GABPB1: variants seen among roughly 807,000 people sequenced by gnomAD.
GABPB1 encodes GA binding protein transcription factor subunit beta 1.
Under a neutral mutation model 45.9 loss-of-function variants are expected in GABPB1, and 15 were observed. That is an observed-to-expected ratio of 0.33 (90% CI 0.22 to 0.50). The LOEUF is 0.50. Ranked by LOEUF, GABPB1 falls within the 20% of genes least tolerant of loss-of-function variation. The pLI, the probability that GABPB1 is intolerant of heterozygous loss-of-function variation, is 0.98. For synonymous variants in GABPB1, 143 were observed against 154.4 expected, an observed-to-expected ratio of 0.93 and a Z score of 0.55; for missense variants, 252 against 457.5, an observed-to-expected ratio of 0.55 and a Z score of 4.10.
At chr15:50,292,235 A>AGCT (rs2046371479) in intron 6 of GABPB1, among the ~76,000 whole-genome samples, 1 of 145,518 alleles carries the variant, frequency 6.9e-6, no homozygotes, top group Admixed American at 7.1e-5. Flanking sequence ...AACGGTGTGA[A>AGCT]CCCGGGAGGC....
chr15:50,305,620 T>C (rs896551438), intron 2 of GABPB1, among the ~76,000 whole-genome samples: 5 of 152,208 alleles, frequency 3.3e-5, no homozygotes, highest in African/African-American at 1.2e-4. Context: ...AACTAGCCTT[T>C]TCTATACTCT....
intron 1 of GABPB1, among the ~76,000 whole-genome samples, chr15:50,343,209 T>C (rs2048445390): frequency 1.3e-5 from 2 of 152,016 alleles, no homozygotes; most frequent in Admixed American, 6.6e-5. Context: ...GGACTTAACA[T>C]TTGAAGCATA....
rs2046284770 is a variant in GABPB1 at position 50,289,700 on chromosome 15, A to C, written c.698-32T>G. The C allele has an allele frequency of 3.9e-6, 6 of 1,541,088 alleles. No individual in the cohort carries two copies. The African/African-American group carries it at 8.4e-5, about 22-fold the overall frequency. On this transcript the variant is annotated intron_variant, in intron 6 of 8. Coordinates refer to ENST00000380877, the MANE Select transcript of GABPB1 (RefSeq NM_016654.5). ...AAAAAAAAAAGAAAACTCAGCAAAC[A>C]TATGTAACGGTATGAATAGAAACCT...
chr15:50,277,338 T>A lies in GABPB1; in HGVS notation c.*1294A>T. ...AGGGTAATTGCTTTTTTATACAGTATAGATAACCTAGAGGGATTTCAGGGT... is the reference window on the plus strand; with the variant it reads ...AGGGTAATTGCTTTTTTATACAGTAAAGATAACCTAGAGGGATTTCAGGGT... On this transcript the variant is annotated 3_prime_UTR_variant, in exon 9 of 9. Transcript: ENST00000380877. 1 of 151,260 alleles carries A rather than the reference T, an allele frequency of 6.6e-6. No individual in the cohort carries two copies. Among genetic ancestry groups the A allele is most frequent in the East Asian group, 1.9e-4 (1 of 5,152 alleles). 9.4% of individuals were successfully genotyped at this position (151,260 alleles called of 1,614,324 possible). A position where few individuals can be genotyped will look rare whatever the true frequency, so the allele number is the denominator to read the frequency against.
intron 6 of GABPB1, among the ~76,000 whole-genome samples, chr15:50,291,660 C>T (rs747600885): frequency 6.6e-6 from 1 of 151,564 alleles, no homozygotes; most frequent in African/African-American, 2.4e-5. Context: ...TGGCTCATGC[C>T]TATAATACCA....
At chr15:50,307,164 C>G (rs1443810790) in intron 2 of GABPB1, among the ~76,000 whole-genome samples, 1 of 152,096 alleles carries the variant, frequency 6.6e-6, no homozygotes, top group East Asian at 1.9e-4. Flanking sequence ...ACGATTATAC[C>G]AATTCCATAC....
At chr15:50,335,502 T>C (rs1178140246) in intron 1 of GABPB1, among the ~76,000 whole-genome samples, 1 of 152,222 alleles carries the variant, frequency 6.6e-6, no homozygotes, top group Non-Finnish European at 1.5e-5. Context: ...TTAGGCTTTC[T>C]TCCAGAATTT....
chr15:50,321,703 GAAA>G (rs61483731), intron 1 of GABPB1, among the ~76,000 whole-genome samples: 1 of 123,132 alleles, frequency 8.1e-6, no homozygotes, highest in African/African-American at 3.2e-5. Flanking sequence ...CTCCGTCTCA[GAAA>G]AAAAAAAAAA....
chr15:50,328,793 T>C (rs534371071), intron 1 of GABPB1, among the ~76,000 whole-genome samples: 40 of 152,316 alleles, frequency 2.6e-4, no homozygotes, highest in African/African-American at 9.4e-4. Context: ...TAACAGGTTG[T>C]AACAAATTGT....
At chr15:50,333,345 C>T (rs1221271973) in intron 1 of GABPB1, among the ~76,000 whole-genome samples, 1 of 152,074 alleles carries the variant, frequency 6.6e-6, no homozygotes, top group Non-Finnish European at 1.5e-5. Context: ...CATCTGTGGT[C>T]CCAGGTACTC....
chr15:50,341,556 A>G (rs1008249393), intron 1 of GABPB1, among the ~76,000 whole-genome samples: 2 of 152,100 alleles, frequency 1.3e-5, no homozygotes, highest in Non-Finnish European at 2.9e-5. Context: ...AAAATGATTT[A>G]AACAGTTGGC....
chr15:50,350,170 C>T (rs1232246963), intron 1 of GABPB1: 2 of 151,768 alleles, frequency 1.3e-5, no homozygotes, highest in African/African-American at 4.8e-5. Context: ...ATAGTACTGG[C>T]TCTAGAGTCA....
intron 1 of GABPB1, among the ~76,000 whole-genome samples, chr15:50,348,341 G>A (rs1221642952): frequency 1.3e-5 from 2 of 151,918 alleles, no homozygotes; most frequent in Non-Finnish European, 1.5e-5. Context: ...TACAACCTCC[G>A]CCTCCCAGAC....
intron 1 of GABPB1, among the ~76,000 whole-genome samples, chr15:50,333,193 T>C (rs771682127): frequency 2.0e-5 from 3 of 152,130 alleles, no homozygotes; most frequent in Non-Finnish European, 4.4e-5. Flanking sequence ...AGGCCAAACA[T>C]GGTGGCTCAC....
chr15:50,278,731 T>A lies in GABPB1; in HGVS notation c.1053A>T (p.Lys351Asn), dbSNP rs773864578. The A allele has an allele frequency of 8.7e-6, 14 of 1,613,464 alleles. No homozygotes were observed. Among genetic ancestry groups the A allele is most frequent in the East Asian group, 2.2e-5 (1 of 44,838 alleles). Reference protein sequence around the residue: ...QLDEANREAQKYRQQLLKKEQ... With the variant: ...QLDEANREAQNYRQQLLKKEQ... ...CTTTCTTTAGGAGCTGCTGTCGATA[T>A]TTTTGTGCTTCTCGATTTGCTTCAT... The change falls in exon 9 of 9, where the codon AAA (lysine) becomes AAT (asparagine). Residue 351 changes from lysine (K) to asparagine (N), a missense_variant. This residue lies in a region of GABPB1 where 5 missense variants were observed against 30.0 expected (regional missense o/e 0.17). Coordinates refer to ENST00000380877, the MANE Select transcript of GABPB1 (RefSeq NM_016654.5).
At chr15:50,323,903 AT>A (rs918094258) in intron 1 of GABPB1, among the ~76,000 whole-genome samples, 4 of 152,086 alleles carry the variant, frequency 2.6e-5, no homozygotes, top group African/African-American at 7.2e-5. Context: ...AATAAATAAA[AT>A]TTAAATTTAA....
At chr15:50,290,893 T>C (rs1484990239) in intron 6 of GABPB1, among the ~76,000 whole-genome samples, 2 of 152,214 alleles carry the variant, frequency 1.3e-5, no homozygotes, top group African/African-American at 4.8e-5. Flanking sequence ...AATCACAAGT[T>C]AATACTGCCA....
In GABPB1 at chr15:50,340,566, AAAAAAC is replaced by A. The variant is rs1168770403; in HGVS notation, c.-1+14413_-1+14418del. On this transcript the variant is annotated intron_variant, in intron 1 of 8. Coordinates refer to ENST00000380877, the MANE Select transcript of GABPB1 (RefSeq NM_016654.5). Reference sequence around the variant, plus strand: ...AATCACCAAAAAAAAAAAAAAAAAAAAAAAACATTACCACATAACACTGCTCTCCAC... The same window carrying A: ...AATCACCAAAAAAAAAAAAAAAAAAAATTACCACATAACACTGCTCTCCAC... 1.4e-3 allele frequency among the ~76,000 whole-genome samples: 194 copies of A among 140,498 alleles called. 2 individuals are homozygous for A. Among genetic ancestry groups the A allele is most frequent in the African/African-American group, 4.7e-3 (187 of 39,440 alleles). 92.2% of individuals were successfully genotyped at this position (140,498 alleles called of 152,430 possible).
intron 1 of GABPB1, among the ~76,000 whole-genome samples, chr15:50,332,812 A>G (rs1567536015): frequency 6.6e-6 from 1 of 152,080 alleles, no homozygotes; most frequent in Non-Finnish European, 1.5e-5. Context: ...GACTCTACCT[A>G]TCCTACTTGT....
Sources: allele counts gnomAD v4.1 joint callset (sites outside exome capture counted in the v4.1 genomes callset), GRCh38; gene constraint gnomAD v4.1.1; regional missense constraint gnomAD v4.1.1; transcripts MANE v1.5; gene names NCBI Gene and HGNC (gene_info 2026-07-23, HGNC 2026-07-21).